Variants in SEMA6D observed in about 807,000 individuals in gnomAD.
SEMA6D encodes semaphorin 6D.
Under a neutral mutation model 106.6 loss-of-function variants are expected in SEMA6D, and 35 were observed. The observed-to-expected ratio is 0.33, with a 90% confidence interval of 0.25 to 0.44. The LOEUF (loss-of-function observed/expected upper bound fraction) is 0.44. SEMA6D is among the 20% of genes least tolerant of loss of function. The pLI, the probability that SEMA6D is intolerant of heterozygous loss-of-function variation, is 1.00. For missense variants in SEMA6D, 1,185 were observed against 1,345.9 expected (o/e 0.88, Z 1.87); for synonymous variants, 499 against 487.7 (o/e 1.02, Z -0.31).
intron 1 of SEMA6D, among the ~76,000 whole-genome samples, chr15:47,325,390 C>T (rs1255651704): frequency 6.6e-6 from 1 of 152,112 alleles, no homozygotes; most frequent in African/African-American, 2.4e-5. Context: ...CCAGGCTGGT[C>T]TCAAACTCCT....
chr15:47,389,531 T>C (rs1434977602), intron 1 of SEMA6D, among the ~76,000 whole-genome samples: 2 of 152,180 alleles, frequency 1.3e-5, no homozygotes, highest in Non-Finnish European at 2.9e-5. Context: ...AAAACTTTAA[T>C]GTACTTAGAG....
chr15:47,538,627 A>C (rs961606351), intron 3 of SEMA6D, among the ~76,000 whole-genome samples: 1 of 152,226 alleles, frequency 6.6e-6, no homozygotes, highest in Non-Finnish European at 1.5e-5. Flanking sequence ...CTATTGATAC[A>C]TATTATAGTA....
intron 1 of SEMA6D, among the ~76,000 whole-genome samples, chr15:47,212,758 G>C (rs75589747): frequency 1.3e-5 from 2 of 152,148 alleles, no homozygotes; most frequent in African/African-American, 2.4e-5. Context: ...GAAGGTGACT[G>C]TATGACTATC....
At chr15:47,744,480 A>G (rs1176847875) in intron 1 of SEMA6D, among the ~76,000 whole-genome samples, 7 of 152,148 alleles carry the variant, frequency 4.6e-5, no homozygotes, top group Non-Finnish European at 1.0e-4. Context: ...ATGATCTGCT[A>G]GCCTGTGGGA....
chr15:47,206,189 T>C (rs8024633), intron 1 of SEMA6D, among the ~76,000 whole-genome samples: 4,412 of 152,314 alleles, frequency 0.029, 208 homozygotes, highest in African/African-American at 0.1. Flanking sequence ...TGTATTAATG[T>C]TCATATATAG....
intron 1 of SEMA6D, among the ~76,000 whole-genome samples, chr15:47,292,190 G>A (rs558546406): frequency 6.6e-6 from 1 of 152,318 alleles, no homozygotes; most frequent in African/African-American, 2.4e-5. Context: ...AACTTTGAAA[G>A]ACCACTGTGT....
intron 1 of SEMA6D, among the ~76,000 whole-genome samples, chr15:47,738,565 G>C (rs1294935721): frequency 6.6e-6 from 1 of 152,160 alleles, no homozygotes; most frequent in Non-Finnish European, 1.5e-5. Flanking sequence ...CATAACATCT[G>C]TATTCTGACC....
intron 4 of SEMA6D, among the ~76,000 whole-genome samples, chr15:47,640,517 T>C (rs976335258): frequency 6.6e-6 from 1 of 152,164 alleles, no homozygotes; most frequent in Non-Finnish European, 1.5e-5. Flanking sequence ...AAATTGGTGA[T>C]TCTCTTGCAG....
intron 18 of SEMA6D, among the ~76,000 whole-genome samples, chr15:47,769,401 G>C (rs908025040): frequency 5.3e-5 from 8 of 152,078 alleles, no homozygotes; most frequent in African/African-American, 1.9e-4. Flanking sequence ...TGTCATTTAT[G>C]ATTTATATCG....
chr15:47,671,626 GA>G (rs569050895), intron 4 of SEMA6D, among the ~76,000 whole-genome samples: 45 of 149,616 alleles, frequency 3.0e-4, no homozygotes, highest in Admixed American at 2.7e-4. Context: ...CAGTGAGCAG[GA>G]AAAAAAAAAT....
intron 1 of SEMA6D, among the ~76,000 whole-genome samples, chr15:47,382,920 A>G (rs903656524): frequency 4.3e-5 from 6 of 140,372 alleles, no homozygotes; most frequent in Admixed American, 1.5e-4. Context: ...GGTGTTTGCC[A>G]CCACACCAGG....
intron 4 of SEMA6D, among the ~76,000 whole-genome samples, chr15:47,635,309 T>A (rs2077366936): frequency 6.6e-6 from 1 of 152,154 alleles, no homozygotes; most frequent in Non-Finnish European, 1.5e-5. Flanking sequence ...GGTCTCCTGT[T>A]GCCTAGTACC....
chr15:47,762,269 G>A lies in SEMA6D; in HGVS notation c.608G>A (p.Gly203Asp). ...ASDAVIYRSM[G>D]DGSALRTIKY... ...GATGCCGTTATTTATCGAAGCATGG[G>A]TGATGGATCTGCCCTTCGCACAATA... The change falls in exon 8 of 19, where the codon GGT (glycine) becomes GAT (aspartate). Residue 203 changes from glycine to aspartate, a missense_variant. Transcript: ENST00000536845. The A allele has an allele frequency of 6.2e-7, 1 of 1,613,692 alleles. No individual in the cohort carries two copies. Among genetic ancestry groups the A allele is most frequent in the South Asian group, 1.1e-5 (1 of 91,074 alleles).
intron 2 of SEMA6D, among the ~76,000 whole-genome samples, chr15:47,415,673 G>A (rs2040942036): frequency 6.6e-6 from 1 of 152,028 alleles, no homozygotes; most frequent in Non-Finnish European, 1.5e-5. Context: ...CCATAGCCCT[G>A]AGTTTACTCT....
intron 3 of SEMA6D, among the ~76,000 whole-genome samples, chr15:47,557,793 G>A (rs1437663327): frequency 2.6e-5 from 4 of 152,172 alleles, no homozygotes; most frequent in Admixed American, 1.3e-4. Context: ...AAGGGAAAGC[G>A]TTGGTTGTTG....
At chr15:47,682,369 A>G (rs146734270) in intron 4 of SEMA6D, among the ~76,000 whole-genome samples, 1 of 152,078 alleles carries the variant, frequency 6.6e-6, no homozygotes, top group Non-Finnish European at 1.5e-5. Context: ...GGGTTTCACC[A>G]TGTTAGCCAG....
chr15:47,224,839 A>G (rs1353765809), intron 1 of SEMA6D, among the ~76,000 whole-genome samples: 1 of 151,654 alleles, frequency 6.6e-6, no homozygotes, highest in African/African-American at 2.4e-5. Flanking sequence ...GTCACTCTAA[A>G]CCAATCATTT....
intron 3 of SEMA6D, 28 bp from the exon 4 acceptor site, chr15:47,760,950 A>G (rs1402078360): frequency 1.9e-6 from 3 of 1,590,718 alleles, no homozygotes; most frequent in Non-Finnish European, 1.7e-6. Context: ...TATTCACGTG[A>G]TATGTTTTAT....
At chr15:47,479,381 G>A (rs983721808) in intron 3 of SEMA6D, among the ~76,000 whole-genome samples, 1 of 152,066 alleles carries the variant, frequency 6.6e-6, no homozygotes, top group Non-Finnish European at 1.5e-5. Context: ...AGGCAGGCTT[G>A]ATGCTAAATA....
Sources: gnomAD v4.1 joint callset for allele counts (sites outside exome capture counted in the v4.1 genomes callset) on GRCh38, gnomAD v4.1.1 for gene constraint, MANE v1.5 for transcripts, NCBI Gene and HGNC (gene_info 2026-07-23, HGNC 2026-07-21) for gene names.